The following ZNF536 variants were observed in gnomAD, a reference collection of about 807,000 sequenced individuals.
ZNF536 encodes the protein zinc finger protein 536.
A neutral mutation model predicts 84.5 loss-of-function variants in ZNF536; 13 were observed. The ratio of observed to expected loss-of-function variants is 0.15; its 90% CI spans 0.10 to 0.24. ZNF536 has a LOEUF of 0.24. Among genes scored for constraint, ZNF536 ranks in the 10% least tolerant of loss-of-function variants. The pLI is 1.00. For missense variants in ZNF536, 1,536 were observed against 1,747.5 expected (o/e 0.88, Z 2.16); for synonymous variants, 811 against 742.5 (o/e 1.09, Z -1.50).
At chr19:30,237,610 A>G (rs910065693) in intron 1 of ZNF536, among the ~76,000 whole-genome samples, 4 of 152,234 alleles carry the variant, frequency 2.6e-5, no homozygotes, top group Admixed American at 1.3e-4. Context: ...CCTTCAGAGT[A>G]ACATGAGGAA....
In ZNF536 at chr19:30,311,871, C is replaced by T. The variant is rs540679133; in HGVS notation, c.-120+27730C>T. ...ATCACTTGAGGCCAGGAGTTCGAGA[C>T]CAGCCTGGGAAACATAGTGAGACCT... On this transcript the variant is annotated intron_variant, in intron 2 of 5. Transcript: ENST00000585628. Among the ~76,000 whole-genome samples, 6 of 152,132 alleles carry T rather than the reference C, an allele frequency of 3.9e-5. No homozygotes were observed. In the East Asian group the frequency reaches 1.2e-3, roughly 29 times the overall value.
intron 2 of ZNF536, among the ~76,000 whole-genome samples, chr19:30,470,389 T>C (rs953007839): frequency 1.3e-5 from 2 of 152,162 alleles, no homozygotes. Flanking sequence ...TAACCAAAGC[T>C]TATACTTTAC....
intron 2 of ZNF536, among the ~76,000 whole-genome samples, chr19:30,285,031 A>C (rs1163570094): frequency 6.6e-6 from 1 of 152,222 alleles, no homozygotes; most frequent in South Asian, 2.1e-4. Flanking sequence ...CTTTTATCAC[A>C]CAATGGGTAA....
chr19:30,437,143 A>T (rs1411469598), intron 1 of ZNF536, among the ~76,000 whole-genome samples: 1 of 152,086 alleles, frequency 6.6e-6, no homozygotes, highest in Admixed American at 6.5e-5. Context: ...TTTTTGGACT[A>T]TTCATAAGAT....
intron 1 of ZNF536, among the ~76,000 whole-genome samples, chr19:30,669,974 CCAGAGTCACA>C (rs1300697455): frequency 9.2e-5 from 14 of 152,160 alleles, no homozygotes; most frequent in Non-Finnish European, 1.5e-4. Context: ...AGAGCTGAGC[CCAGAGTCACA>C]CAGACTCACG....
At chr19:30,288,080 A>C (rs1310911356) in intron 2 of ZNF536, among the ~76,000 whole-genome samples, 1 of 152,256 alleles carries the variant, frequency 6.6e-6, no homozygotes, top group African/African-American at 2.4e-5. Flanking sequence ...CTGTGAACTG[A>C]AAACCACCCT....
exon 2 of ZNF536, chr19:30,712,163 G>A (rs2052472464): frequency 6.6e-6 from 1 of 152,006 alleles, no homozygotes; most frequent in South Asian, 2.1e-4. Context: ...GTAGATTTTA[G>A]ATTTTCTACT....
chr19:30,333,501 C>T (rs2146430163), intron 2 of ZNF536, among the ~76,000 whole-genome samples: 1 of 152,316 alleles, frequency 6.6e-6, no homozygotes, highest in East Asian at 1.9e-4. Context: ...GAGATTCCTC[C>T]TCTTCATCTT....
intron 1 of ZNF536, among the ~76,000 whole-genome samples, chr19:30,589,645 G>T (rs1208885338): frequency 6.6e-6 from 1 of 152,092 alleles, no homozygotes; most frequent in African/African-American, 2.4e-5. Flanking sequence ...CAAAAAGAAG[G>T]GTGTGTTACC....
intron 1 of ZNF536, among the ~76,000 whole-genome samples, chr19:30,425,346 G>A (rs1413000781): frequency 6.6e-6 from 1 of 152,028 alleles, no homozygotes; most frequent in Admixed American, 6.5e-5. Flanking sequence ...TGGAAGGGAG[G>A]GCATATTTGT....
intron 1 of ZNF536, among the ~76,000 whole-genome samples, chr19:30,645,526 C>T (rs752569717): frequency 5.9e-5 from 9 of 152,172 alleles, no homozygotes; most frequent in African/African-American, 1.9e-4. Context: ...ATGAGGAGGA[C>T]ATGTATCCTT....
intron 1 of ZNF536, among the ~76,000 whole-genome samples, chr19:30,579,893 C>T (rs1568572232): frequency 6.6e-6 from 1 of 152,204 alleles, no homozygotes; most frequent in Non-Finnish European, 1.5e-5. Flanking sequence ...CCACTGAACC[C>T]ATTCTTCCCA....
intron 2 of ZNF536, among the ~76,000 whole-genome samples, chr19:30,313,933 G>A (rs1228800742): frequency 6.6e-6 from 1 of 152,206 alleles, no homozygotes; most frequent in East Asian, 1.9e-4. Flanking sequence ...AAAGAATAGA[G>A]GTTAGGCCAT....
intron 1 of ZNF536, among the ~76,000 whole-genome samples, chr19:30,396,868 G>T (rs1357681650): frequency 2.0e-5 from 3 of 152,154 alleles, no homozygotes; most frequent in Non-Finnish European, 4.4e-5. Flanking sequence ...GCCTCCCAAA[G>T]TGCTGGGATT....
intron 1 of ZNF536, among the ~76,000 whole-genome samples, chr19:30,595,738 A>G (rs2047440896): frequency 6.6e-6 from 1 of 152,210 alleles, no homozygotes; most frequent in Admixed American, 6.5e-5. Context: ...ATTGACTTGC[A>G]TAGTTCTAGT....
intron 1 of ZNF536, among the ~76,000 whole-genome samples, chr19:30,685,756 G>A (rs1017444598): frequency 1.3e-5 from 2 of 152,144 alleles, no homozygotes; most frequent in Non-Finnish European, 1.5e-5. Context: ...CGTCCCAGCC[G>A]CTGCCGCCGT....
chr19:30,406,366 T>C (rs2050261588), intron 1 of ZNF536, among the ~76,000 whole-genome samples: 2 of 152,070 alleles, frequency 1.3e-5, no homozygotes, highest in Admixed American at 6.5e-5. Context: ...CGAGCAAGAA[T>C]CTTAATTTGC....
chr19:30,665,062 G>A (rs1462143037), intron 1 of ZNF536, among the ~76,000 whole-genome samples: 1 of 152,254 alleles, frequency 6.6e-6, no homozygotes, highest in African/African-American at 2.4e-5. Flanking sequence ...CATAAGCAGT[G>A]GCCAGGCGCC....
intron 2 of ZNF536, among the ~76,000 whole-genome samples, chr19:30,342,516 C>CA (rs2047597114): frequency 6.6e-6 from 1 of 152,152 alleles, no homozygotes; most frequent in Non-Finnish European, 1.5e-5. Context: ...TGGAAGATTC[C>CA]AGTTTTATGT....
Sources: allele counts gnomAD v4.1 joint callset (sites outside exome capture counted in the v4.1 genomes callset), GRCh38; gene constraint gnomAD v4.1.1; transcripts MANE v1.5; gene names NCBI Gene and HGNC (gene_info 2026-07-23, HGNC 2026-07-21).